The following TTLL3 variants were observed in gnomAD, a reference collection of about 807,000 sequenced individuals.
TTLL3 encodes tubulin tyrosine ligase like 3.
Under a neutral mutation model 75.2 loss-of-function variants are expected in TTLL3, and 63 were observed. That is an observed-to-expected ratio of 0.84 (90% CI 0.68 to 1.03). The LOEUF is 1.03. Ranked by LOEUF, TTLL3 falls within the 50% of genes least tolerant of loss-of-function variation. The pLI is 0.00. For synonymous variants in TTLL3, 393 were observed against 418.5 expected (o/e 0.94, Z 0.74); for missense variants, 997 against 1,069.9 (o/e 0.93, Z 0.95).
intron 10 of TTLL3, 185 bp downstream of exon 10, chr3:9,827,425 GGCGGTCTCAC>G: frequency 8.8e-7 from 1 of 1,133,052 alleles, no homozygotes; most frequent in East Asian, 2.7e-5. Context: ...ACAGACAGGG[GGCGGTCTCAC>G]TCTGTTACCT....
At chr3:9,834,491 G>A in intron 12 of TTLL3, 190 bp from the exon 13 acceptor site, 1 of 917,194 alleles carries the variant, frequency 1.1e-6, no homozygotes, top group Non-Finnish European at 1.7e-6. Flanking sequence ...GCACAGCTGG[G>A]ATGCAGACCC....
intron 6 of TTLL3, 26 bp from the exon 7 acceptor site, chr3:9,818,796 C>T: frequency 1.2e-6 from 2 of 1,613,944 alleles, no homozygotes; most frequent in Non-Finnish European, 1.7e-6. Context: ...AGGGGCTGAG[C>T]AGGGTATCCC....
chr3:9,825,557 G>T lies in TTLL3; in HGVS notation c.855-243G>T, dbSNP rs2080951386. On this transcript the variant is annotated intron_variant, in intron 8 of 13. Coordinates refer to ENST00000685419, the MANE Select transcript of TTLL3 (RefSeq NM_001387446.1). ...CACAGGTGGAGTGTTGGAGTAGGGG[G>T]TGGTTTGCAGTTAATGGAATTTTAT... The T allele has an allele frequency of 6.0e-5, 35 of 588,174 alleles. 1 individual carries two copies. In the South Asian group the frequency reaches 6.4e-4, roughly 11 times the overall value. 36.4% of individuals were successfully genotyped at this position (588,174 alleles called of 1,614,324 possible).
chr3:9,819,638 A>G, intron 7 of TTLL3: 3 of 985,404 alleles, frequency 3.0e-6, no homozygotes, highest in Non-Finnish European at 3.6e-6. Flanking sequence ...TGCCAACCCA[A>G]CCACTGCCTG....
intron 4 of TTLL3, among the ~76,000 whole-genome samples, chr3:9,813,968 C>T (rs1288904201): frequency 6.6e-6 from 1 of 151,968 alleles, no homozygotes. Flanking sequence ...TCCCCGCTGC[C>T]CTTGGTAAGT....
In TTLL3 at chr3:9,835,147, C is replaced by T. The variant is rs751778495; in HGVS notation, c.2106C>T (p.Leu702=). ...CCCAGCTGGAAGTGCCTTGTTGCCT[C>T]TGCCCTTTGAAGTCGGAACAATTCC... ...RGPQLEVPCC[L]CPLKSEQFLA... Residue 702 remains leucine, a synonymous_variant, in exon 14 of 14, where the codon CTC becomes CTT. Coordinates refer to ENST00000685419, the MANE Select transcript of TTLL3 (RefSeq NM_001387446.1). The T allele has an allele frequency of 6.2e-7, 1 of 1,614,196 alleles. No homozygotes were observed. The highest frequency in any genetic ancestry group is 8.5e-7 in the Non-Finnish European group (1 of 1,180,008).
rs776957786 is a variant in TTLL3 at position 9,825,754 on chromosome 3, C to T, written c.855-46C>T. Reference sequence around the variant, plus strand: ...TATCTCCCCCTGCCCTCTCCACCTGCATGTCCCAGGTCCAGCCCTGCCCAA... The same window carrying T: ...TATCTCCCCCTGCCCTCTCCACCTGTATGTCCCAGGTCCAGCCCTGCCCAA... On this transcript the variant is annotated intron_variant, in intron 8 of 13. Coordinates refer to ENST00000685419, the MANE Select transcript of TTLL3 (RefSeq NM_001387446.1). 4.3e-6 allele frequency: 7 copies of T among 1,614,034 alleles called. No individual in the cohort carries two copies. The South Asian group carries it at 4.4e-5, about 10-fold the overall frequency.
intron 5 of TTLL3, among the ~76,000 whole-genome samples, chr3:9,816,700 A>G (rs1451455460): frequency 6.6e-6 from 1 of 151,690 alleles, no homozygotes; most frequent in Non-Finnish European, 1.5e-5. Flanking sequence ...ATTTTTTAGT[A>G]GAGATGGGGT....
At chr3:9,820,265 G>T in intron 7 of TTLL3, 1 of 1,215,526 alleles carries the variant, frequency 8.2e-7, no homozygotes, top group Non-Finnish European at 1.0e-6. Flanking sequence ...GAGGTCCCAG[G>T]GGCAGAGAGG....
Position 9,835,188 on chromosome 3 carries a change from G to A in TTLL3, c.2147G>A (p.Arg716Lys), listed in dbSNP as rs1179357654. ...KSEQFLAPVG[R>K]SRPKANSRPD... Reference sequence around the variant, plus strand: ...GAACAATTCCTAGCACCTGTCGGAAGGTCAAGGCCAAAGGCAAATTCAAGG... The same window carrying A: ...GAACAATTCCTAGCACCTGTCGGAAAGTCAAGGCCAAAGGCAAATTCAAGG... The change falls in exon 14 of 14, where the codon AGG becomes AAG. Residue 716 changes from arginine to lysine, a missense_variant. By Grantham distance (26) the Arg-to-Lys change is conservative. Transcript: ENST00000685419. 6.2e-7 allele frequency: 1 copy of A among 1,609,038 alleles called. No homozygotes were observed. The highest frequency in any genetic ancestry group is 1.3e-5 in the African/African-American group (1 of 75,028).
At chr3:9,825,676 G>C (rs775729833) in intron 8 of TTLL3, 124 bp from the exon 9 acceptor site, 5 of 1,561,574 alleles carry the variant, frequency 3.2e-6, no homozygotes, top group Middle Eastern at 1.7e-4. Context: ...ATGGATATCT[G>C]CAGGGAGGGC....
chr3:9,810,639 G>A lies in TTLL3; in HGVS notation c.-23G>A, dbSNP rs769880795. The A allele has an allele frequency of 4.4e-6, 7 of 1,574,312 alleles. No homozygotes were observed. The South Asian group carries it at 8.2e-5, about 18-fold the overall frequency. ...TCTGCAGGTTTCCCGGTCCTCTGGC[G>A]AGGATCCTCCAAGGCGTCTCACATG... is the stretch of plus-strand genomic sequence containing the variant. On this transcript the variant is annotated 5_prime_UTR_variant, in exon 2 of 14. Transcript: ENST00000685419. The surrounding 1 kb of genome is among the most constrained non-coding windows in gnomAD (Gnocchi z 4.4).
upstream of TTLL3, chr3:9,810,198 A>G (rs1216544593): frequency 6.7e-7 from 1 of 1,481,642 alleles, no homozygotes; most frequent in Admixed American, 2.4e-5. This position sits in a 1 kb window ranked among gnomAD's most constrained non-coding sequence, Gnocchi z 4.4. Context: ...GGAGGCTGCC[A>G]TGGGCCGGCC....
rs141851512 is a variant in TTLL3, at chr3:9,829,343, G to A, written c.1631G>A (p.Arg544Gln). The change falls in exon 11 of 14, where the codon CGG (arginine) becomes CAG (glutamine). Residue 544 changes from arginine to glutamine, a missense_variant. Coordinates refer to ENST00000685419, the MANE Select transcript of TTLL3 (RefSeq NM_001387446.1). ...QADTLRVVID[R>Q]MLDRNCDTGA... is the part of the protein sequence containing the mutation. ...GACACCCTGCGCGTGGTCATTGACCGGATGCTGGACCGCAACTGTGACACA... is the reference window on the plus strand; with the variant it reads ...GACACCCTGCGCGTGGTCATTGACCAGATGCTGGACCGCAACTGTGACACA... The A allele has an allele frequency of 2.1e-5, 34 of 1,611,816 alleles. No homozygotes were observed. Among genetic ancestry groups the A allele is most frequent in the African/African-American group, 5.3e-5 (4 of 75,012 alleles).
Position 9,820,626 on chromosome 3 carries a change from G to A in TTLL3, c.739G>A (p.Glu247Lys), listed in dbSNP as rs759933378. 1.7e-5 allele frequency: 28 copies of A among 1,613,962 alleles called. No individual in the cohort carries two copies. Among genetic ancestry groups the A allele is most frequent in the Middle Eastern group, 1.6e-4 (1 of 6,084 alleles). ...EFVDEALCACEEYLSNLAHMD... is the reference protein window; with the variant it reads ...EFVDEALCACKEYLSNLAHMD... ...TGTGGATGAAGCTCTGTGTGCGTGC[G>A]AGGAGTACCTTAGCAACTTGGCCCA... is the stretch of plus-strand genomic sequence containing the variant. Residue 247 changes from glutamate to lysine, a missense_variant, in exon 8 of 14, where the codon GAG becomes AAG. Coordinates refer to ENST00000685419, the MANE Select transcript of TTLL3 (RefSeq NM_001387446.1).
At chr3:9,820,116 A>G in intron 7 of TTLL3, 1 of 1,002,364 alleles carries the variant, frequency 1.0e-6, no homozygotes, top group Non-Finnish European at 1.2e-6. Context: ...CTGTATCAGG[A>G]TTCTGGGAGT....
chr3:9,822,097 G>A (rs1201508667), intron 8 of TTLL3, among the ~76,000 whole-genome samples: 6 of 82,038 alleles, frequency 7.3e-5, no homozygotes, highest in African/African-American at 2.0e-4. Context: ...ACAGAATCTT[G>A]TTCTGTTGCC....
chr3:9,812,828 G>C, intron 2 of TTLL3, 115 bp from the exon 3 acceptor site: 3 of 1,223,268 alleles, frequency 2.5e-6, no homozygotes, highest in Non-Finnish European at 3.2e-6. Flanking sequence ...TCTCCTAATG[G>C]AATATAAAAA....
At chr3:9,826,025 T>C in intron 9 of TTLL3, 77 bp downstream of exon 9, 3 of 1,553,620 alleles carry the variant, frequency 1.9e-6, no homozygotes, top group Non-Finnish European at 1.7e-6. Flanking sequence ...AAGTTAATAG[T>C]GCAGGTCTAT....
Sources: allele counts gnomAD v4.1 joint callset (sites outside exome capture counted in the v4.1 genomes callset), GRCh38; gene constraint gnomAD v4.1.1; non-coding constraint Gnocchi (gnomAD v3.1); transcripts MANE v1.5; gene names NCBI Gene and HGNC (gene_info 2026-07-23, HGNC 2026-07-21).